Variants in CTNNA2 observed in about 807,000 individuals in gnomAD.
CTNNA2 encodes the protein catenin alpha-2.
In CTNNA2, 42 loss-of-function variants were observed where a neutral mutation model predicts 101.0. That is an observed-to-expected ratio of 0.42 (90% CI 0.32 to 0.54). CTNNA2 has a LOEUF of 0.54. Among genes scored for constraint, CTNNA2 ranks in the 20% least tolerant of loss-of-function variants. The pLI is 0.14. For missense variants in CTNNA2, 871 were observed against 1,223.1 expected (o/e 0.71, Z 4.29); for synonymous variants, 450 against 456.4 (o/e 0.99, Z 0.18).
At position 79,195,096 on chromosome 2, in the gene CTNNA2, G is replaced by A. The variant is rs939450855; in HGVS notation, c.-523-2863G>A. Among the ~76,000 whole-genome samples the A allele has an allele frequency of 6.6e-5, 10 of 152,130 alleles. 1 individual carries two copies. The East Asian group carries it at 9.7e-4, about 15-fold the overall frequency. ...TTTGAAACATTCACAGTGTTCTTCC[G>A]AGGAATTTTTAATGCCACAGTGATC... On this transcript the variant is annotated intron_variant, in intron 1 of 21. Transcript: ENST00000466387.
intron 9 of CTNNA2, among the ~76,000 whole-genome samples, chr2:80,518,732 A>G (rs1326435185): frequency 6.6e-6 from 1 of 152,154 alleles, no homozygotes; most frequent in Non-Finnish European, 1.5e-5. Flanking sequence ...ATATGAGTAA[A>G]TGTGAATTAG....
intron 2 of CTNNA2, among the ~76,000 whole-genome samples, chr2:79,286,296 A>T (rs1435227594): frequency 1.3e-5 from 2 of 152,174 alleles, no homozygotes; most frequent in African/African-American, 4.8e-5. Context: ...ATCTGTCATT[A>T]TGATGTTAGC....
chr2:79,924,555 C>T (rs565417270), intron 7 of CTNNA2, among the ~76,000 whole-genome samples: 5 of 152,264 alleles, frequency 3.3e-5, no homozygotes, highest in Non-Finnish European at 5.9e-5. Flanking sequence ...TCAGCCACAC[C>T]TTGCTTTTGT....
At chr2:79,408,060 G>A (rs1328494476) in intron 4 of CTNNA2, among the ~76,000 whole-genome samples, 1 of 151,882 alleles carries the variant, frequency 6.6e-6, no homozygotes, top group African/African-American at 2.4e-5. Context: ...CTCAGACTTG[G>A]AACTATTCAG....
chr2:79,550,527 G>A (rs2104048264), intron 1 of CTNNA2, among the ~76,000 whole-genome samples: 1 of 152,262 alleles, frequency 6.6e-6, no homozygotes, highest in Non-Finnish European at 1.5e-5. Context: ...ATGGCAGAAT[G>A]TTATGAAATA....
chr2:80,065,451 C>T (rs375311197), intron 7 of CTNNA2, among the ~76,000 whole-genome samples: 100 of 151,664 alleles, frequency 6.6e-4, no homozygotes, highest in African/African-American at 2.0e-3. Context: ...CTCTGCCTCA[C>T]GGGTTCATTC....
At chr2:80,071,950 C>G (rs780522187) in intron 7 of CTNNA2, among the ~76,000 whole-genome samples, 1 of 152,132 alleles carries the variant, frequency 6.6e-6, no homozygotes, top group Non-Finnish European at 1.5e-5. Flanking sequence ...GAGGGAGGCA[C>G]TAAGACTCAG....
At chr2:79,309,050 A>G (rs1324814771) in intron 2 of CTNNA2, among the ~76,000 whole-genome samples, 2 of 151,916 alleles carry the variant, frequency 1.3e-5, no homozygotes, top group Middle Eastern at 3.2e-3. Context: ...ATATGAGTAT[A>G]TTTTTGTATT....
chr2:80,410,869 A>C (rs551659044), intron 8 of CTNNA2, among the ~76,000 whole-genome samples: 1 of 152,296 alleles, frequency 6.6e-6, no homozygotes, highest in South Asian at 2.1e-4. Flanking sequence ...GCCTGTGTTT[A>C]TAGACTATGG....
At chr2:80,149,776 A>T (rs72926632) in intron 7 of CTNNA2, among the ~76,000 whole-genome samples, 2,153 of 31,328 alleles carry the variant, frequency 0.069, 58 homozygotes, top group African/African-American at 0.21. Context: ...AGAATGGATC[A>T]CACACACACA....
chr2:79,412,879 A>C (rs1037609080), intron 4 of CTNNA2, among the ~76,000 whole-genome samples: 2 of 152,142 alleles, frequency 1.3e-5, no homozygotes, highest in African/African-American at 4.8e-5. Flanking sequence ...AATGAGCATT[A>C]GTGGTGATAG....
At chr2:79,755,357 A>C (rs1309980799) in intron 3 of CTNNA2, among the ~76,000 whole-genome samples, 1 of 152,144 alleles carries the variant, frequency 6.6e-6, no homozygotes, top group African/African-American at 2.4e-5. Flanking sequence ...AATAAAGTGC[A>C]TGTGTGCTAG....
chr2:80,343,657 T>C (rs1672445375), intron 7 of CTNNA2, among the ~76,000 whole-genome samples: 1 of 152,126 alleles, frequency 6.6e-6, no homozygotes. Flanking sequence ...ACACAATTAT[T>C]TATAAGAAAA....
chr2:80,429,297 A>G (rs1681272861), intron 9 of CTNNA2, among the ~76,000 whole-genome samples: 1 of 152,188 alleles, frequency 6.6e-6, no homozygotes, highest in South Asian at 2.1e-4. Context: ...TGCTTCTGAC[A>G]ACCTTATGAA....
intron 7 of CTNNA2, among the ~76,000 whole-genome samples, chr2:80,278,529 C>T (rs1674106317): frequency 6.6e-6 from 1 of 152,024 alleles, no homozygotes; most frequent in African/African-American, 2.4e-5. Context: ...GGTAGGGGGG[C>T]AGGATTCCCA....
chr2:79,995,786 C>T (rs1692498169), intron 7 of CTNNA2, among the ~76,000 whole-genome samples: 1 of 152,168 alleles, frequency 6.6e-6, no homozygotes, highest in Non-Finnish European at 1.5e-5. Flanking sequence ...CACTGCACTC[C>T]AGCCTGGGCA....
intron 4 of CTNNA2, among the ~76,000 whole-genome samples, chr2:79,448,386 C>T (rs115660361): frequency 0.02 from 2,966 of 152,018 alleles, 94 homozygotes; most frequent in African/African-American, 0.067. Context: ...ATTATGTATG[C>T]ATTATGTTTT....
chr2:80,449,911 A>C lies in CTNNA2; in HGVS notation c.1290+30310A>C, dbSNP rs537763064. On this transcript the variant is annotated intron_variant, in intron 9 of 18. Coordinates refer to ENST00000402739, the MANE Select transcript of CTNNA2 (RefSeq NM_001282597.3). ...TGTTGTTCTACACAGTAGAATGAGAAATGAGAGTTGACTATATTCTTGACA... is the reference window on the plus strand; with the variant it reads ...TGTTGTTCTACACAGTAGAATGAGACATGAGAGTTGACTATATTCTTGACA... 3.9e-5 allele frequency among the ~76,000 whole-genome samples: 6 copies of C among 152,302 alleles called. No individual in the cohort carries two copies. In the South Asian group the frequency reaches 1.2e-3, roughly 32 times the overall value.
At chr2:80,094,791 G>C (rs1238706380) in intron 7 of CTNNA2, among the ~76,000 whole-genome samples, 1 of 152,168 alleles carries the variant, frequency 6.6e-6, no homozygotes, top group African/African-American at 2.4e-5. Context: ...GTTCACTCAT[G>C]ATTTGGCTCT....
Sources: allele counts gnomAD v4.1 joint callset (sites outside exome capture counted in the v4.1 genomes callset), GRCh38; gene constraint gnomAD v4.1.1; transcripts MANE v1.5; gene names NCBI Gene and HGNC (gene_info 2026-07-23, HGNC 2026-07-21).